Variants in SIPA1L1 observed in about 807,000 individuals in gnomAD.
The protein encoded by SIPA1L1 is signal induced proliferation associated 1 like 1.
In SIPA1L1, 26 loss-of-function variants were observed where a neutral mutation model predicts 162.7. That is an observed-to-expected ratio of 0.16 (90% confidence interval 0.12 to 0.22). The LOEUF is 0.22. Among genes scored for constraint, SIPA1L1 ranks in the 10% least tolerant of loss-of-function variants. The pLI is 1.00. For synonymous variants in SIPA1L1, 829 were observed against 837.4 expected, an observed-to-expected ratio of 0.99 and a Z score of 0.17; for missense variants, 1,874 against 2,241.0, an observed-to-expected ratio of 0.84 and a Z score of 3.31.
At chr14:71,671,942 T>TGC (rs1228854894) in intron 11 of SIPA1L1, among the ~76,000 whole-genome samples, 127 of 146,158 alleles carry the variant, frequency 8.7e-4, no homozygotes, top group Non-Finnish European at 1.4e-3. Context: ...TGTGTGTGTG[T>TGC]GCGTTCATGT....
At chr14:71,590,249 C>T (rs1246421656) in intron 5 of SIPA1L1, among the ~76,000 whole-genome samples, 1 of 151,738 alleles carries the variant, frequency 6.6e-6, no homozygotes, top group African/African-American at 2.4e-5. Context: ...GAGTTTAAGT[C>T]ATCCAGGTAG....
intron 5 of SIPA1L1, among the ~76,000 whole-genome samples, chr14:71,613,202 A>G (rs979823853): frequency 3.3e-5 from 5 of 152,200 alleles, no homozygotes; most frequent in African/African-American, 1.2e-4. Context: ...TTAGAAACTT[A>G]TGGGAACATA....
chr14:71,578,115 G>T (rs560971467), intron 4 of SIPA1L1, among the ~76,000 whole-genome samples: 1 of 151,690 alleles, frequency 6.6e-6, no homozygotes, highest in Non-Finnish European at 1.5e-5. Context: ...TTCACCATGT[G>T]GGCCAGGCTG....
intron 2 of SIPA1L1, among the ~76,000 whole-genome samples, chr14:71,430,655 T>C (rs1257563070): frequency 1.3e-5 from 2 of 152,248 alleles, no homozygotes; most frequent in Non-Finnish European, 2.9e-5. Flanking sequence ...TGTCACATAA[T>C]GTGTAGCTTC....
At chr14:71,581,272 C>T (rs1057039508) in intron 4 of SIPA1L1, among the ~76,000 whole-genome samples, 4 of 152,226 alleles carry the variant, frequency 2.6e-5, no homozygotes, top group African/African-American at 7.2e-5. Flanking sequence ...CTTAAGAAAC[C>T]CTCCCACCTT....
chr14:71,324,670 T>A (rs148278805), intron 2 of SIPA1L1, among the ~76,000 whole-genome samples: 226 of 152,372 alleles, frequency 1.5e-3, no homozygotes, highest in Non-Finnish European at 2.5e-3. Flanking sequence ...AATCTTTATT[T>A]GCACAGAGCA....
intron 8 of SIPA1L1, 109 bp downstream of exon 8, chr14:71,650,618 C>G (rs2042540891): frequency 2.9e-6 from 3 of 1,020,836 alleles, no homozygotes; most frequent in South Asian, 3.0e-5. Flanking sequence ...CAGAACACTG[C>G]TGGTGATGGG....
At chr14:71,603,660 C>T (rs535675039) in intron 5 of SIPA1L1, among the ~76,000 whole-genome samples, 7 of 152,068 alleles carry the variant, frequency 4.6e-5, no homozygotes, top group South Asian at 4.1e-4. Flanking sequence ...TAGTGGCCCA[C>T]GCCTGTAATC....
At chr14:71,696,554 A>G (rs1566673707) in intron 13 of SIPA1L1, among the ~76,000 whole-genome samples, 2 of 152,348 alleles carry the variant, frequency 1.3e-5, no homozygotes, top group East Asian at 1.9e-4. Flanking sequence ...CAAGTGATCT[A>G]GCCCCACCAT....
At chr14:71,619,039 A>G in intron 6 of SIPA1L1, 152 bp downstream of exon 6, 1 of 680,264 alleles carries the variant, frequency 1.5e-6, no homozygotes. Context: ...GTGGAGATCG[A>G]GGTGGACAAG....
intron 7 of SIPA1L1, among the ~76,000 whole-genome samples, chr14:71,638,458 G>A (rs2041383596): frequency 6.6e-6 from 1 of 152,144 alleles, no homozygotes; most frequent in Admixed American, 6.5e-5. Flanking sequence ...ATATCAATTG[G>A]TGCAGAAAAA....
At chr14:71,604,105 C>G (rs1258433526) in intron 5 of SIPA1L1, among the ~76,000 whole-genome samples, 2 of 150,358 alleles carry the variant, frequency 1.3e-5, no homozygotes, top group African/African-American at 4.9e-5. Flanking sequence ...TCAAGTGATC[C>G]TCCTGCCTCA....
chr14:71,430,109 T>C (rs1160461133), intron 2 of SIPA1L1, among the ~76,000 whole-genome samples: 1 of 152,192 alleles, frequency 6.6e-6, no homozygotes, highest in East Asian at 1.9e-4. Context: ...GCATCACACC[T>C]ACCTCATTAT....
intron 4 of SIPA1L1, chr14:71,573,779 C>G: frequency 4.4e-6 from 2 of 452,738 alleles, no homozygotes; most frequent in South Asian, 1.6e-5. Context: ...TTAACTTTGT[C>G]ACTGTTAACA....
rs185199564 is a variant in SIPA1L1 at position 71,551,869 on chromosome 14, C to T, written c.-303+22499C>T. On this transcript the variant is annotated intron_variant, in intron 4 of 23. Transcript: ENST00000381232. ...CATTCATGCTTTGTGTTACTGATTC[C>T]TTCATGACATTTAGTCATCTTATCT... 3.9e-5 allele frequency among the ~76,000 whole-genome samples: 6 copies of T among 152,230 alleles called. No homozygotes were observed. The East Asian group carries it at 9.6e-4, about 24-fold the overall frequency.
At chr14:71,657,460 A>G (rs2043165108) in intron 8 of SIPA1L1, among the ~76,000 whole-genome samples, 1 of 151,864 alleles carries the variant, frequency 6.6e-6, no homozygotes, top group Admixed American at 6.6e-5. Context: ...CTAAACAGGT[A>G]TTCCCTTTGA....
chr14:71,472,256 G>A lies in SIPA1L1; in HGVS notation c.-464-40487G>A, dbSNP rs1331582974. Among the ~76,000 whole-genome samples the A allele has an allele frequency of 4.6e-5, 7 of 151,520 alleles. No homozygotes were observed. The East Asian group carries it at 1.4e-3, about 30-fold the overall frequency. On this transcript the variant is annotated intron_variant, in intron 2 of 23. Coordinates refer to ENST00000381232, the MANE Select transcript of SIPA1L1 (RefSeq NM_001386936.1). Reference sequence around the variant, plus strand: ...CCTGTTTTGGTCAGTAGGACTTGTTGTAATTGCGTAATTAAAATGTTATGT... The same window carrying A: ...CCTGTTTTGGTCAGTAGGACTTGTTATAATTGCGTAATTAAAATGTTATGT...
intron 16 of SIPA1L1, 75 bp from the exon 17 acceptor site, chr14:71,709,147 C>T (rs964713293): frequency 1.1e-5 from 14 of 1,251,742 alleles, no homozygotes; most frequent in Non-Finnish European, 1.6e-5. Flanking sequence ...AGAAATTAAT[C>T]ACAGTGTCAT....
intron 8 of SIPA1L1, among the ~76,000 whole-genome samples, chr14:71,655,676 G>A (rs1246191255): frequency 2.6e-5 from 4 of 152,260 alleles, no homozygotes; most frequent in South Asian, 4.1e-4. Flanking sequence ...TCTGATATCA[G>A]ATGGTATCTC....
Sources: gnomAD v4.1 joint callset for allele counts (sites outside exome capture counted in the v4.1 genomes callset) on GRCh38, gnomAD v4.1.1 for gene constraint, MANE v1.5 for transcripts, NCBI Gene and HGNC (gene_info 2026-07-23, HGNC 2026-07-21) for gene names.